Variants in MARCHF6 observed in about 807,000 individuals in gnomAD.
MARCHF6 encodes membrane associated ring-CH-type finger 6, also known as E3 ubiquitin-protein ligase MARCHF6.
MARCHF6 carries 31 observed loss-of-function variants against 133.7 expected under a neutral mutation model. The observed-to-expected ratio is 0.23, with a 90% CI of 0.17 to 0.31. The LOEUF (loss-of-function observed/expected upper bound fraction) is 0.31, where lower values mean the gene tolerates loss of function less well. Among genes scored for constraint, MARCHF6 ranks in the 10% least tolerant of loss-of-function variants. MARCHF6 has a pLI of 1.00. For missense variants in MARCHF6, 723 were observed against 1,121.6 expected (o/e 0.64, Z 5.08); for synonymous variants, 395 against 402.5 (o/e 0.98, Z 0.22).
chr5:10,381,563 A>G (rs1011941731), intron 3 of MARCHF6, among the ~76,000 whole-genome samples: 1 of 151,556 alleles, frequency 6.6e-6, no homozygotes, highest in Non-Finnish European at 1.5e-5. Context: ...CATCTATTGA[A>G]TTTTTTTTTC....
intron 24 of MARCHF6, among the ~76,000 whole-genome samples, chr5:10,427,224 G>A (rs924378273): frequency 6.6e-6 from 1 of 152,144 alleles, no homozygotes; most frequent in African/African-American, 2.4e-5. Context: ...CCTGACTTTT[G>A]TTGAGTCATT....
intron 1 of MARCHF6, among the ~76,000 whole-genome samples, chr5:10,369,663 C>G (rs995620278): frequency 7.8e-6 from 1 of 127,564 alleles, no homozygotes; most frequent in Non-Finnish European, 1.6e-5. Flanking sequence ...TCCCCCATTT[C>G]CAGCCCCTGG....
chr5:10,439,648 GCT>G lies in MARCHF6; in HGVS notation c.*5972_*5973del, dbSNP rs147797272. The G allele has an allele frequency of 1.3e-5, 2 of 152,112 alleles. No homozygotes were observed. Among genetic ancestry groups the G allele is most frequent in the African/African-American group, 2.4e-5 (1 of 41,360 alleles). 9.4% of individuals were successfully genotyped at this position (152,112 alleles called of 1,614,324 possible). ...TCCTGAGCTTGCTGCCTCTGCCCCT[GCT>G]CTCTCTCCTTTTCCATTTGTTTTCA... On this transcript the variant is annotated 3_prime_UTR_variant, in exon 26 of 26. Transcript: ENST00000274140.
At chr5:10,358,711 A>G (rs1260751914) in intron 1 of MARCHF6, among the ~76,000 whole-genome samples, 1 of 152,204 alleles carries the variant, frequency 6.6e-6, no homozygotes, top group Non-Finnish European at 1.5e-5. Flanking sequence ...CAGCAATTTG[A>G]AAAAACTTGC....
chr5:10,413,585 G>A (rs1173073859), intron 19 of MARCHF6: 1 of 152,170 alleles, frequency 6.6e-6, no homozygotes, highest in East Asian at 1.9e-4. Context: ...TCTGAGACTG[G>A]GTAATTTATA....
At position 10,405,616 on chromosome 5, in the gene MARCHF6, C is replaced by T; in HGVS notation, c.1391C>T (p.Pro464Leu). ...AATTTGAATGATCCAGATTTCAATC[C>T]AGTACAGGAAATGATCCATTTGCCA... The part of the protein sequence containing the change: ...LRNLNDPDFN[P>L]VQEMIHLPIY... The change falls in exon 16 of 26, where the codon CCA becomes CTA. Residue 464 changes from proline (P) to leucine (L), a missense_variant. Coordinates refer to ENST00000274140, the MANE Select transcript of MARCHF6 (RefSeq NM_005885.4). 6.2e-7 allele frequency: 1 copy of T among 1,610,138 alleles called. No homozygotes were observed. Among genetic ancestry groups the T allele is most frequent in the Admixed American group, 1.7e-5 (1 of 59,532 alleles).
intron 1 of MARCHF6, among the ~76,000 whole-genome samples, chr5:10,355,978 C>A (rs1302423435): frequency 6.6e-6 from 1 of 152,108 alleles, no homozygotes; most frequent in Non-Finnish European, 1.5e-5. Flanking sequence ...AATTATTAGT[C>A]ATGAAATGCA....
intron 4 of MARCHF6, among the ~76,000 whole-genome samples, chr5:10,385,860 A>C (rs971436820): frequency 6.6e-6 from 1 of 152,230 alleles, no homozygotes; most frequent in Non-Finnish European, 1.5e-5. Flanking sequence ...GTAAGGACTT[A>C]CAAGATTTAA....
chr5:10,356,994 A>G (rs543161318), intron 1 of MARCHF6, among the ~76,000 whole-genome samples: 1 of 152,328 alleles, frequency 6.6e-6, no homozygotes, highest in East Asian at 1.9e-4. Context: ...CCATTCTCAT[A>G]ATACAGGGAT....
In MARCHF6 at chr5:10,391,673, T is replaced by C. The variant is rs1412282707; in HGVS notation, c.708T>C (p.Asn236=). The C allele has an allele frequency of 3.7e-6, 6 of 1,607,172 alleles. No homozygotes were observed. The highest frequency in any genetic ancestry group is 5.1e-6 in the Non-Finnish European group (6 of 1,177,032). ...AGGCAGAAGAGGAGGAGGAGGACAA[T>C]GAGGAGGAAGATGACGCTGGTGTGG... ...DDQAEEEEED[N]EEEDDAGVED... is the part of the protein sequence containing the mutation. Residue 236 remains asparagine (N), a synonymous_variant, in exon 7 of 26, where the codon AAT becomes AAC. Coordinates refer to ENST00000274140, the MANE Select transcript of MARCHF6 (RefSeq NM_005885.4).
intron 17 of MARCHF6, among the ~76,000 whole-genome samples, chr5:10,408,865 C>T (rs1379737239): frequency 1.3e-5 from 2 of 152,170 alleles, no homozygotes; most frequent in Admixed American, 1.3e-4. Context: ...AAATTGTCTT[C>T]ATCGTTGTAT....
Position 10,381,676 on chromosome 5 carries a change from T to A in MARCHF6, c.191-124T>A, listed in dbSNP as rs931200322. ...TTATAACTATTTGGTTTATTTTTTTTAAATAGGAAAAAAATTAAGCACAAG... is the reference window on the plus strand; with the variant it reads ...TTATAACTATTTGGTTTATTTTTTTAAAATAGGAAAAAAATTAAGCACAAG... On this transcript the variant is annotated intron_variant, in intron 3 of 25. Transcript: ENST00000274140. The A allele has an allele frequency of 8.4e-6, 6 of 714,088 alleles. 1 individual carries two copies. Among genetic ancestry groups the A allele is most frequent in the South Asian group, 4.4e-5 (2 of 44,974 alleles). The allele number at this position is 714,088 out of a possible 1,614,324, so 44.2% of individuals were successfully genotyped here.
At chr5:10,394,266 C>A in intron 8 of MARCHF6, 123 bp downstream of exon 8, 1 of 511,172 alleles carries the variant, frequency 2.0e-6, no homozygotes, top group Non-Finnish European at 3.2e-6. Context: ...CTAGAATTTT[C>A]ATTCCTAGTG....
rs574465664 is a variant in MARCHF6 at position 10,378,598 on chromosome 5, T to A, written c.117-161T>A. ...CTCTAGCTGTTGTAGTTTTTCATTC[T>A]TAGAAGGCAGTTACAAAAAGTTAAG... On this transcript the variant is annotated intron_variant, in intron 2 of 25. Coordinates refer to ENST00000274140, the MANE Select transcript of MARCHF6 (RefSeq NM_005885.4). Among the ~76,000 whole-genome samples the A allele has an allele frequency of 2.0e-5, 3 of 152,358 alleles. 1 individual carries two copies. The East Asian group carries it at 5.8e-4, about 29-fold the overall frequency.
chr5:10,426,580 T>C (rs1458244396), intron 24 of MARCHF6, 58 bp downstream of exon 24: 8 of 1,560,908 alleles, frequency 5.1e-6, no homozygotes, highest in Non-Finnish European at 7.0e-6. Context: ...TTGGACATTC[T>C]CTTTACCCCT....
intron 1 of MARCHF6, among the ~76,000 whole-genome samples, chr5:10,374,265 G>A (rs1004756647): frequency 1.3e-5 from 2 of 152,202 alleles, no homozygotes; most frequent in Non-Finnish European, 2.9e-5. Flanking sequence ...GGGCAAGCCT[G>A]GTGCTGGCAG....
chr5:10,394,577 C>T (rs1005205265), intron 8 of MARCHF6, among the ~76,000 whole-genome samples, 176 bp from the exon 9 acceptor site: 4 of 152,038 alleles, frequency 2.6e-5, no homozygotes, highest in Non-Finnish European at 5.9e-5. Flanking sequence ...ATAAAACTCT[C>T]ATTCAGAAAC....
chr5:10,386,916 T>C (rs1015203327), intron 4 of MARCHF6, 78 bp from the exon 5 acceptor site: 22 of 1,043,948 alleles, frequency 2.1e-5, no homozygotes, highest in Non-Finnish European at 2.9e-5. Context: ...CGTTCCACTT[T>C]ACCTCTGCTT....
intron 17 of MARCHF6, among the ~76,000 whole-genome samples, chr5:10,407,952 A>G (rs1335725330): frequency 2.2e-5 from 2 of 89,186 alleles, no homozygotes; most frequent in East Asian, 1.1e-3. Context: ...GTGAAACTGC[A>G]TCCCCCCCCC....
Sources: gnomAD v4.1 joint callset for allele counts (sites outside exome capture counted in the v4.1 genomes callset) on GRCh38, gnomAD v4.1.1 for gene constraint, MANE v1.5 for transcripts, NCBI Gene and HGNC (gene_info 2026-07-23, HGNC 2026-07-21) for gene names.